The following PLXNA2 variants were observed in gnomAD, a reference collection of about 807,000 sequenced individuals.
The protein encoded by PLXNA2 is plexin A2.
Under a neutral mutation model 193.5 loss-of-function variants are expected in PLXNA2, and 91 were observed. The observed-to-expected ratio is 0.47, with a 90% CI of 0.40 to 0.56. PLXNA2 has a LOEUF of 0.56. Ranked by LOEUF, PLXNA2 falls within the 20% of genes least tolerant of loss-of-function variation. PLXNA2 has a pLI of 0.00. For synonymous variants in PLXNA2, 997 were observed against 1,027.3 expected (o/e 0.97, Z 0.56); for missense variants, 1,995 against 2,503.2 (o/e 0.80, Z 4.33).
At chr1:208,033,049 A>G (rs1193091) in intron 28 of PLXNA2, among the ~76,000 whole-genome samples, 144,806 of 150,630 alleles carry the variant, frequency 0.96, 69,874 homozygotes, top group East Asian at 1. Flanking sequence ...TTTTTTTCCA[A>G]TTTTGTCCTC....
At chr1:208,243,312 G>A (rs1672122175) in intron 1 of PLXNA2, among the ~76,000 whole-genome samples, 1 of 152,124 alleles carries the variant, frequency 6.6e-6, no homozygotes, top group African/African-American at 2.4e-5. Flanking sequence ...CCCCAAAGCC[G>A]CAGAGCGCCG....
chr1:208,107,200 G>A (rs1422018072), intron 4 of PLXNA2, among the ~76,000 whole-genome samples: 1 of 152,176 alleles, frequency 6.6e-6, no homozygotes, highest in Non-Finnish European at 1.5e-5. Flanking sequence ...AATCCAGGGT[G>A]CACTAAATCA....
intron 3 of PLXNA2, among the ~76,000 whole-genome samples, chr1:208,194,653 T>G (rs891613253): frequency 6.6e-6 from 1 of 152,110 alleles, no homozygotes; most frequent in African/African-American, 2.4e-5. Flanking sequence ...TATCTATACA[T>G]CCTGCCACCA....
chr1:208,216,041 C>T (rs915235764), intron 2 of PLXNA2, among the ~76,000 whole-genome samples: 7 of 152,172 alleles, frequency 4.6e-5, no homozygotes, highest in Admixed American at 3.9e-4. Flanking sequence ...CACTGGGAAC[C>T]ACAGTGGCCT....
In PLXNA2 at chr1:208,044,402, T is replaced by A; in HGVS notation, c.3874+106A>T. 1 of 784,142 alleles carries A rather than the reference T, an allele frequency of 1.3e-6. No individual in the cohort carries two copies. Among genetic ancestry groups the A allele is most frequent in the South Asian group, 1.6e-5 (1 of 61,910 alleles). 48.6% of individuals were successfully genotyped at this position (784,142 alleles called of 1,614,324 possible). A position where few individuals can be genotyped will look rare whatever the true frequency, so the allele number is the denominator to read the frequency against. Reference sequence around the variant, plus strand: ...GGGGTGAAAGTGGAATGCAGAGGCATGGCTGGCAGCGATGGGAGTAAAGAT... The same window carrying A: ...GGGGTGAAAGTGGAATGCAGAGGCAAGGCTGGCAGCGATGGGAGTAAAGAT... On this transcript the variant is annotated intron_variant, in intron 20 of 31. Coordinates refer to ENST00000367033, the MANE Select transcript of PLXNA2 (RefSeq NM_025179.4). The surrounding 1 kb of genome is among the most constrained non-coding windows in gnomAD (Gnocchi z 4.9).
At chr1:208,115,670 C>T (rs1358733113) in intron 4 of PLXNA2, among the ~76,000 whole-genome samples, 2 of 152,094 alleles carry the variant, frequency 1.3e-5, no homozygotes, top group East Asian at 1.9e-4. Flanking sequence ...TCTGTGTAGA[C>T]ATTAAGTTCA....
intron 9 of PLXNA2, among the ~76,000 whole-genome samples, chr1:208,091,319 A>G (rs527498188): frequency 9.8e-4 from 149 of 152,218 alleles, no homozygotes; most frequent in Non-Finnish European, 1.6e-3. Flanking sequence ...TTCAGAGTCT[A>G]TTTTCTTATG....
Position 208,218,082 on chromosome 1 carries a change from C to T in PLXNA2, c.-80-80G>A, listed in dbSNP as rs1173212933. ...AGAGGCTGGCCTGACCCAGGGTCCC[C>T]ATCCTGGTTTAGCTCTGTGAGTCTC... On this transcript the variant is annotated intron_variant, in intron 1 of 31. Coordinates refer to ENST00000367033, the MANE Select transcript of PLXNA2 (RefSeq NM_025179.4). 4.6e-6 allele frequency: 6 copies of T among 1,300,314 alleles called. No individual in the cohort carries two copies. In the African/African-American group the frequency reaches 8.8e-5, roughly 19 times the overall value. 80.5% of individuals were successfully genotyped at this position (1,300,314 alleles called of 1,614,324 possible). A position where few individuals can be genotyped will look rare whatever the true frequency, so the allele number is the denominator to read the frequency against.
rs182578985 is a variant in PLXNA2 at position 208,222,854 on chromosome 1, G to A, written c.-80-4852C>T. Among the ~76,000 whole-genome samples, 132 of 152,210 alleles carry A rather than the reference G, an allele frequency of 8.7e-4. 2 individuals carry two copies. The highest frequency in any genetic ancestry group is 6.8e-4 in the Non-Finnish European group (46 of 68,016). On this transcript the variant is annotated intron_variant, in intron 1 of 31. Transcript: ENST00000367033. ...GTTCCTGTTAGTAGCTCTCATACCC[G>A]TGGGCCCATCTGTAGCTCCACTTGC...
intron 1 of PLXNA2, among the ~76,000 whole-genome samples, chr1:208,241,363 A>G (rs1407416483): frequency 6.6e-6 from 1 of 152,236 alleles, no homozygotes; most frequent in African/African-American, 2.4e-5. Flanking sequence ...AGGGATAGGT[A>G]TTCAGACTAG....
intron 4 of PLXNA2, among the ~76,000 whole-genome samples, chr1:208,104,526 G>A (rs1667200367): frequency 6.6e-6 from 1 of 152,208 alleles, no homozygotes; most frequent in Non-Finnish European, 1.5e-5. Context: ...TAGCGAAGAG[G>A]TGACCAGTGG....
At chr1:208,136,367 T>G (rs78005771) in intron 4 of PLXNA2, among the ~76,000 whole-genome samples, 28 of 152,328 alleles carry the variant, frequency 1.8e-4, no homozygotes, top group African/African-American at 6.5e-4. Flanking sequence ...ATCTAGGACA[T>G]TCGGAACTGG....
At chr1:208,046,194 C>T in intron 17 of PLXNA2, 77 bp from the exon 18 acceptor site, 1 of 1,493,052 alleles carries the variant, frequency 6.7e-7, no homozygotes, top group South Asian at 1.3e-5. Context: ...GCTCTCCCAC[C>T]CTCTCTCTGC....
chr1:208,206,761 T>C (rs1199865715), intron 3 of PLXNA2, among the ~76,000 whole-genome samples: 1 of 148,558 alleles, frequency 6.7e-6, no homozygotes, highest in Non-Finnish European at 1.5e-5. Flanking sequence ...GCATTGCACA[T>C]ATAGGTTTTT....
intron 4 of PLXNA2, among the ~76,000 whole-genome samples, chr1:208,111,552 C>A (rs1331758618): frequency 2.0e-5 from 3 of 152,118 alleles, no homozygotes; most frequent in Non-Finnish European, 4.4e-5. Flanking sequence ...TCGCCATGGG[C>A]ACTCCGGTTA....
intron 9 of PLXNA2, among the ~76,000 whole-genome samples, chr1:208,085,610 G>A (rs1459814321): frequency 1.3e-5 from 2 of 152,244 alleles, no homozygotes; most frequent in Admixed American, 6.5e-5. Context: ...CAATAATTAA[G>A]AAGCCTTGTG....
intron 1 of PLXNA2, among the ~76,000 whole-genome samples, chr1:208,241,419 G>A (rs764322634): frequency 6.6e-5 from 10 of 152,172 alleles, no homozygotes; most frequent in Non-Finnish European, 1.3e-4. Context: ...GGTTTTGGGC[G>A]ATGGACATAA....
At chr1:208,163,399 A>G (rs1178017537) in intron 3 of PLXNA2, among the ~76,000 whole-genome samples, 2 of 152,176 alleles carry the variant, frequency 1.3e-5, no homozygotes, top group African/African-American at 4.8e-5. Flanking sequence ...GGAGGTGGAA[A>G]GGAGGGCAGG....
chr1:208,104,031 AG>A (rs1185008364), intron 4 of PLXNA2, among the ~76,000 whole-genome samples: 1 of 152,180 alleles, frequency 6.6e-6, no homozygotes, highest in Non-Finnish European at 1.5e-5. Context: ...AGACCAGGCA[AG>A]GGGGCCAGAG....
Sources: gnomAD v4.1 joint callset for allele counts (sites outside exome capture counted in the v4.1 genomes callset) on GRCh38, gnomAD v4.1.1 for gene constraint, Gnocchi (gnomAD v3.1) non-coding constraint, MANE v1.5 for transcripts, NCBI Gene and HGNC (gene_info 2026-07-23, HGNC 2026-07-21) for gene names.